P2RY12: variants seen among roughly 807,000 people sequenced by gnomAD.
The protein encoded by P2RY12 is purinergic receptor P2Y12, also known as P2Y purinoceptor 12.
Under a neutral mutation model 4.5 loss-of-function variants are expected in P2RY12, and 3 were observed. The ratio of observed to expected loss-of-function variants is 0.67; its 90% CI spans 0.31 to 1.74. P2RY12 has a LOEUF of 1.74. Ranked by LOEUF, P2RY12 falls within the 40% of genes most tolerant of loss-of-function variation. The pLI is 0.09. For missense variants in P2RY12, 356 were observed against 407.8 expected (o/e 0.87, Z 1.09); for synonymous variants, 148 against 154.1 (o/e 0.96, Z 0.29).
rs557838954 is a variant in P2RY12 at position 151,384,481 on chromosome 3, A to T, written c.-180+211T>A. Among the ~76,000 whole-genome samples the T allele has an allele frequency of 6.2e-4, 94 of 152,304 alleles. 1 individual carries two copies. Among genetic ancestry groups the T allele is most frequent in the African/African-American group, 2.1e-3 (89 of 41,562 alleles). ...TTAGAAATCCACTGTTAAATATATA[A>T]CCAGAATACTAACATTAGATAGATT... On this transcript the variant is annotated intron_variant, in intron 1 of 2. Transcript: ENST00000302632.
At chr3:151,356,149 T>C (rs1994730) in intron 1 of P2RY12, 808,790 of 1,150,884 alleles carry the variant, frequency 0.7, 288,648 homozygotes, top group African/African-American at 0.92. Flanking sequence ...CTTGTAATCC[T>C]GGCACTTTGG....
Position 151,337,762 on chromosome 3 carries a change from T to C in P2RY12, c.*55A>G. ...CAGTTAATATTTTTACTTAGCGCTTTGCTTTAACGAGTTCTGAACACAAAG... is the reference window on the plus strand; with the variant it reads ...CAGTTAATATTTTTACTTAGCGCTTCGCTTTAACGAGTTCTGAACACAAAG... On this transcript the variant is annotated 3_prime_UTR_variant, in exon 3 of 3. Coordinates refer to ENST00000302632, the MANE Select transcript of P2RY12 (RefSeq NM_022788.5). 1 of 1,552,222 alleles carries C rather than the reference T, an allele frequency of 6.4e-7. No individual in the cohort carries two copies. The highest frequency in any genetic ancestry group is 8.9e-7 in the Non-Finnish European group (1 of 1,128,690).
chr3:151,380,774 T>A (rs1307750793), intron 1 of P2RY12, among the ~76,000 whole-genome samples: 1 of 152,210 alleles, frequency 6.6e-6, no homozygotes, highest in Non-Finnish European at 1.5e-5. Flanking sequence ...ATTTTATATA[T>A]TGCATATAAC....
chr3:151,345,128 C>G (rs1234209617), intron 1 of P2RY12, among the ~76,000 whole-genome samples: 1 of 152,150 alleles, frequency 6.6e-6, no homozygotes, highest in African/African-American at 2.4e-5. Context: ...GAGATAATAT[C>G]TGGAGAAAGA....
chr3:151,354,801 G>A (rs1215279447), intron 1 of P2RY12, among the ~76,000 whole-genome samples: 1 of 152,144 alleles, frequency 6.6e-6, no homozygotes, highest in African/African-American at 2.4e-5. Context: ...TTGATTGCAA[G>A]ATGCCAGATG....
At chr3:151,343,496 G>C (rs1227572093) in intron 1 of P2RY12, among the ~76,000 whole-genome samples, 1 of 152,182 alleles carries the variant, frequency 6.6e-6, no homozygotes, top group Non-Finnish European at 1.5e-5. Context: ...AAGACTGCCA[G>C]TTAGACCACT....
intron 1 of P2RY12, among the ~76,000 whole-genome samples, chr3:151,365,422 G>A (rs1755155361): frequency 6.6e-6 from 1 of 152,048 alleles, no homozygotes; most frequent in Admixed American, 6.6e-5. Context: ...GGCATGAGAT[G>A]TTTTCAATAT....
intron 1 of P2RY12, chr3:151,365,758 T>C (rs534809582): frequency 8.8e-7 from 1 of 1,130,010 alleles, no homozygotes; most frequent in African/African-American, 1.6e-5. Context: ...ACTTGTTTGA[T>C]GTTAGTGAAA....
intron 1 of P2RY12, among the ~76,000 whole-genome samples, chr3:151,363,449 G>C (rs555348502): frequency 2.6e-4 from 39 of 152,222 alleles, no homozygotes; most frequent in African/African-American, 9.1e-4. Context: ...ATTTGGGGGA[G>C]ATACAACACT....
At chr3:151,363,901 A>G (rs1157178662) in intron 1 of P2RY12, among the ~76,000 whole-genome samples, 1 of 152,162 alleles carries the variant, frequency 6.6e-6, no homozygotes, top group African/African-American at 2.4e-5. Flanking sequence ...TCTTAAAGCT[A>G]TTGACAGTGG....
chr3:151,350,060 A>G (rs766432119), intron 1 of P2RY12: 14 of 1,607,530 alleles, frequency 8.7e-6, no homozygotes, highest in Non-Finnish European at 1.0e-5. Context: ...GTTTTTCAGG[A>G]TGAATCTTCA....
chr3:151,356,053 C>G lies in P2RY12; in HGVS notation c.-179-15293G>C, dbSNP rs761288957. On this transcript the variant is annotated intron_variant, in intron 1 of 2. Coordinates refer to ENST00000302632, the MANE Select transcript of P2RY12 (RefSeq NM_022788.5). Reference sequence around the variant, plus strand: ...TTCGCAATACAGGTGTCAAAGAGACCATGTTTCTCTTACTTTTAGGAAAGC... The same window carrying G: ...TTCGCAATACAGGTGTCAAAGAGACGATGTTTCTCTTACTTTTAGGAAAGC... 1.3e-5 allele frequency: 20 copies of G among 1,597,600 alleles called. 1 individual carries two copies. Among genetic ancestry groups the G allele is most frequent in the Non-Finnish European group, 1.4e-5 (17 of 1,174,052 alleles).
At chr3:151,369,648 T>C (rs951301809) in intron 1 of P2RY12, 21 of 709,554 alleles carry the variant, frequency 3.0e-5, no homozygotes, top group Non-Finnish European at 4.3e-5. Context: ...ATTGGAAACA[T>C]GATACTGTTT....
In P2RY12 at chr3:151,376,299, T is replaced by G. The variant is rs975196062; in HGVS notation, c.-180+8393A>C. On this transcript the variant is annotated intron_variant, in intron 1 of 2. Transcript: ENST00000302632. ...AGTTACTTCCTCTCTTTTTTTGTCC[T>G]TGCTAATTTGTGATTTCAATTCTGA... 1.1e-4 allele frequency: 122 copies of G among 1,100,128 alleles called. 1 individual carries two copies. The highest frequency in any genetic ancestry group is 1.4e-4 in the Non-Finnish European group (116 of 816,838). The allele number at this position is 1,100,128 out of a possible 1,614,324, so 68.1% of individuals were successfully genotyped here. A position where few individuals can be genotyped will look rare whatever the true frequency, so the allele number is the denominator to read the frequency against.
At chr3:151,378,250 G>T in intron 1 of P2RY12, 1 of 1,392,624 alleles carries the variant, frequency 7.2e-7, no homozygotes, top group Non-Finnish European at 9.6e-7. Flanking sequence ...AAACCTGTGT[G>T]GTCACTGTAC....
At chr3:151,354,135 C>T (rs1443928730) in intron 1 of P2RY12, among the ~76,000 whole-genome samples, 3 of 77,786 alleles carry the variant, frequency 3.9e-5, no homozygotes, top group East Asian at 1.2e-3. Context: ...AGCGAGACTC[C>T]GTCTCAAAAA....
At chr3:151,360,638 G>A (rs1437779995) in intron 1 of P2RY12, 5 of 1,582,958 alleles carry the variant, frequency 3.2e-6, no homozygotes, top group Non-Finnish European at 4.3e-6. Context: ...GACAGAAATA[G>A]GATCATGCCT....
intron 1 of P2RY12, chr3:151,349,911 C>T: frequency 1.9e-6 from 1 of 536,968 alleles, no homozygotes; most frequent in Non-Finnish European, 3.2e-6. Context: ...AGGGTGTTGC[C>T]AGTGGAGGTT....
At chr3:151,374,153 A>G (rs1439059386) in intron 1 of P2RY12, among the ~76,000 whole-genome samples, 4 of 152,156 alleles carry the variant, frequency 2.6e-5, no homozygotes, top group East Asian at 1.9e-4. Flanking sequence ...TAATTCTATG[A>G]TACATCTGAA....
Sources: gnomAD v4.1 joint callset for allele counts (sites outside exome capture counted in the v4.1 genomes callset) on GRCh38, gnomAD v4.1.1 for gene constraint, MANE v1.5 for transcripts, NCBI Gene and HGNC (gene_info 2026-07-23, HGNC 2026-07-21) for gene names.